ZNF804B: variants seen among roughly 807,000 people sequenced by gnomAD.
ZNF804B encodes zinc finger protein 804B, also known as zinc finger 804B.
A neutral mutation model predicts 101.4 loss-of-function variants in ZNF804B; 80 were observed. The ratio of observed to expected loss-of-function variants is 0.79; its 90% confidence interval spans 0.66 to 0.95. The LOEUF (loss-of-function observed/expected upper bound fraction) is 0.95, where lower values mean the gene tolerates loss of function less well. Ranked by LOEUF, ZNF804B falls within the 40% of genes least tolerant of loss-of-function variation. The pLI, the probability that ZNF804B is intolerant of heterozygous loss-of-function variation, is 0.00. For synonymous variants in ZNF804B, 622 were observed against 558.8 expected (o/e 1.11, Z -1.59); for missense variants, 1,673 against 1,561.9 (o/e 1.07, Z -1.20).
chr7:88,894,763 A>G (rs1015818935), intron 1 of ZNF804B, among the ~76,000 whole-genome samples: 2 of 152,162 alleles, frequency 1.3e-5, no homozygotes, highest in Non-Finnish European at 1.5e-5. Context: ...TAAATAGGCT[A>G]TATACTGCAT....
chr7:89,044,319 C>A (rs1240748178), intron 1 of ZNF804B, among the ~76,000 whole-genome samples: 17 of 152,156 alleles, frequency 1.1e-4, no homozygotes. Context: ...AACAGTGAGT[C>A]AATTAATCAT....
At chr7:88,968,334 C>G (rs894513051) in intron 1 of ZNF804B, among the ~76,000 whole-genome samples, 1 of 151,464 alleles carries the variant, frequency 6.6e-6, no homozygotes, top group African/African-American at 2.4e-5. Context: ...TTCCCTGATA[C>G]GGAAAACCCT....
rs375309526 is a variant in ZNF804B at position 89,140,835 on chromosome 7, A to AT, written c.109-77311dup. On this transcript the variant is annotated intron_variant, in intron 1 of 3. Coordinates refer to ENST00000333190, the MANE Select transcript of ZNF804B (RefSeq NM_181646.5). ...GGAGAACTTTTAATTTTCTTCAATA[A>AT]TTTTTTTTTACACTAACAGCTTGGC... Among the ~76,000 whole-genome samples the AT allele has an allele frequency of 9.2e-3, 1,390 of 151,524 alleles. 22 individuals carry two copies. The highest frequency in any genetic ancestry group is 0.031 in the African/African-American group (1,291 of 41,384).
At chr7:89,066,204 T>C (rs751150361) in intron 1 of ZNF804B, among the ~76,000 whole-genome samples, 3 of 151,912 alleles carry the variant, frequency 2.0e-5, no homozygotes, top group Non-Finnish European at 4.4e-5. Flanking sequence ...ATGGGACATA[T>C]TGATCACAGT....
intron 1 of ZNF804B, among the ~76,000 whole-genome samples, chr7:88,900,601 GA>G (rs541512289): frequency 7.0e-5 from 10 of 142,380 alleles, no homozygotes; most frequent in East Asian, 2.0e-4. Flanking sequence ...GGGGAAAAGA[GA>G]AAAAAAAATC....
chr7:89,238,795 A>T (rs1789320341), intron 2 of ZNF804B, among the ~76,000 whole-genome samples: 1 of 152,196 alleles, frequency 6.6e-6, no homozygotes, highest in Non-Finnish European at 1.5e-5. Flanking sequence ...AAGGTTAGAA[A>T]TTAGACCCAG....
At chr7:88,806,977 T>C (rs1337376826) in intron 1 of ZNF804B, among the ~76,000 whole-genome samples, 1 of 152,178 alleles carries the variant, frequency 6.6e-6, no homozygotes, top group African/African-American at 2.4e-5. Flanking sequence ...CATATTATTA[T>C]ATTGGAATTC....
chr7:89,333,331 C>T lies in ZNF804B; in HGVS notation c.381-32C>T, dbSNP rs751365494. ...GTAGATATGATTCCAAAGCTAATCT[C>T]TTAATCATTTAAATATTTATTGTAT... On this transcript the variant is annotated intron_variant, in intron 3 of 3. Transcript: ENST00000333190. 9.3e-6 allele frequency: 14 copies of T among 1,502,854 alleles called. No homozygotes were observed. The African/African-American group carries it at 1.4e-4, about 15-fold the overall frequency. 93.1% of individuals were successfully genotyped at this position (1,502,854 alleles called of 1,614,324 possible).
chr7:88,982,521 C>CAGAT (rs2116136024), intron 1 of ZNF804B, among the ~76,000 whole-genome samples: 1 of 152,198 alleles, frequency 6.6e-6, no homozygotes, highest in South Asian at 2.1e-4. Context: ...CTTTGGCATG[C>CAGAT]AGATGGCTGC....
intron 1 of ZNF804B, among the ~76,000 whole-genome samples, chr7:89,156,034 T>C (rs1001592154): frequency 1.7e-5 from 1 of 59,432 alleles, no homozygotes; most frequent in Non-Finnish European, 4.1e-5. Flanking sequence ...CTTTCTTTCT[T>C]TCTTTCTTTC....
At chr7:89,157,959 A>G (rs1791001644) in intron 1 of ZNF804B, among the ~76,000 whole-genome samples, 1 of 152,116 alleles carries the variant, frequency 6.6e-6, no homozygotes, top group African/African-American at 2.4e-5. Context: ...TGGTTTAATG[A>G]CTCACAGCAT....
chr7:88,891,536 G>A (rs1200845752), intron 1 of ZNF804B, among the ~76,000 whole-genome samples: 1 of 151,222 alleles, frequency 6.6e-6, no homozygotes, highest in Admixed American at 6.6e-5. Context: ...AGTATTTATT[G>A]CCTTTACCTC....
At chr7:89,130,859 T>G (rs1045238122) in intron 1 of ZNF804B, among the ~76,000 whole-genome samples, 1 of 152,042 alleles carries the variant, frequency 6.6e-6, no homozygotes, top group African/African-American at 2.4e-5. Context: ...AGGGGGTGTC[T>G]TATTACTAAA....
intron 1 of ZNF804B, among the ~76,000 whole-genome samples, chr7:88,967,629 C>T (rs1793475603): frequency 6.7e-6 from 1 of 148,308 alleles, no homozygotes; most frequent in Non-Finnish European, 1.5e-5. Flanking sequence ...CGTGGGGAGG[C>T]AGTCTAGAGC....
At chr7:88,802,860 A>T (rs1790612220) in intron 1 of ZNF804B, among the ~76,000 whole-genome samples, 1 of 152,140 alleles carries the variant, frequency 6.6e-6, no homozygotes, top group African/African-American at 2.4e-5. Context: ...TATTTTTCAC[A>T]TATGCAGGCA....
At chr7:88,990,709 G>C (rs1278115917) in intron 1 of ZNF804B, among the ~76,000 whole-genome samples, 1 of 152,016 alleles carries the variant, frequency 6.6e-6, no homozygotes, top group African/African-American at 2.4e-5. Flanking sequence ...GTGAGAGTGA[G>C]CACTCCTATC....
intron 1 of ZNF804B, among the ~76,000 whole-genome samples, chr7:88,845,962 G>A (rs1308131795): frequency 6.6e-6 from 1 of 152,122 alleles, no homozygotes; most frequent in African/African-American, 2.4e-5. Context: ...AAAGAAAAGG[G>A]GAGAAAGAGA....
intron 1 of ZNF804B, among the ~76,000 whole-genome samples, chr7:88,948,165 G>T (rs1005953716): frequency 1.3e-5 from 2 of 151,740 alleles, no homozygotes; most frequent in Admixed American, 6.6e-5. Context: ...ACCCCACCAG[G>T]ATGGGATTTT....
intron 1 of ZNF804B, among the ~76,000 whole-genome samples, chr7:88,798,296 T>C (rs1173580553): frequency 6.6e-6 from 1 of 152,074 alleles, no homozygotes; most frequent in Admixed American, 6.6e-5. Context: ...ATAAACCTAA[T>C]AGAAGAATGA....
Sources: gnomAD v4.1 joint callset for allele counts (sites outside exome capture counted in the v4.1 genomes callset) on GRCh38, gnomAD v4.1.1 for gene constraint, MANE v1.5 for transcripts, NCBI Gene and HGNC (gene_info 2026-07-23, HGNC 2026-07-21) for gene names.